Variants in DGKH observed in about 807,000 individuals in gnomAD.
The protein encoded by DGKH is DAG kinase eta.
Under a neutral mutation model 159.3 loss-of-function variants are expected in DGKH, and 90 were observed. That is an observed-to-expected ratio of 0.57 (90% confidence interval 0.48 to 0.67). The LOEUF (loss-of-function observed/expected upper bound fraction) is 0.67, where lower values mean the gene tolerates loss of function less well. Among genes scored for constraint, DGKH ranks in the 30% least tolerant of loss-of-function variants. The pLI is 0.00. For synonymous variants in DGKH, 536 were observed against 553.8 expected (o/e 0.97, Z 0.45); for missense variants, 1,181 against 1,506.1 (o/e 0.78, Z 3.57).
At chr13:42,105,198 G>A (rs1954724828) in intron 1 of DGKH, among the ~76,000 whole-genome samples, 1 of 152,128 alleles carries the variant, frequency 6.6e-6, no homozygotes, top group African/African-American at 2.4e-5. Context: ...CATCTTGTAA[G>A]GACCTTCTTG....
intron 1 of DGKH, among the ~76,000 whole-genome samples, chr13:42,122,564 T>A (rs1031216352): frequency 1.3e-5 from 2 of 152,196 alleles, no homozygotes; most frequent in Admixed American, 1.3e-4. Flanking sequence ...ATTAATCCAT[T>A]CATGCAGGCA....
intron 29 of DGKH, among the ~76,000 whole-genome samples, chr13:42,224,065 A>G (rs1454034948): frequency 1.3e-5 from 2 of 152,176 alleles, no homozygotes; most frequent in African/African-American, 4.8e-5. Flanking sequence ...GCTGCAAAAG[A>G]CATGTTTTCA....
At chr13:42,252,795 T>C (rs1425945035) in intron 30 of DGKH, among the ~76,000 whole-genome samples, 1 of 151,868 alleles carries the variant, frequency 6.6e-6, no homozygotes, top group African/African-American at 2.4e-5. Flanking sequence ...TCACCCAGGC[T>C]AGAGTGCAGT....
At chr13:42,150,430 C>A (rs1163718778) in intron 3 of DGKH, among the ~76,000 whole-genome samples, 1 of 152,150 alleles carries the variant, frequency 6.6e-6, no homozygotes, top group Admixed American at 6.5e-5. Context: ...GCGTGACTTA[C>A]CAAGTTTGCA....
At chr13:42,104,604 G>A (rs1357486858) in intron 1 of DGKH, among the ~76,000 whole-genome samples, 3 of 152,184 alleles carry the variant, frequency 2.0e-5, no homozygotes, top group African/African-American at 4.8e-5. Context: ...CTCATGTCCT[G>A]TTGGCCTAAA....
intron 8 of DGKH, among the ~76,000 whole-genome samples, chr13:42,166,151 A>C (rs1301513244): frequency 1.3e-5 from 2 of 152,096 alleles, no homozygotes; most frequent in Non-Finnish European, 2.9e-5. Flanking sequence ...CTTAGATATA[A>C]GTTTATAAAC....
intron 3 of DGKH, chr13:42,153,645 C>T (rs1955972232): frequency 6.6e-6 from 1 of 152,230 alleles, no homozygotes; most frequent in South Asian, 2.1e-4. Flanking sequence ...TACCTCTCTG[C>T]TGCATCTCAT....
chr13:42,152,798 G>A (rs1020969988), intron 3 of DGKH, among the ~76,000 whole-genome samples: 4 of 151,868 alleles, frequency 2.6e-5, no homozygotes, highest in Admixed American at 6.6e-5. Flanking sequence ...GGACTCCTCC[G>A]CGGGACCTGT....
intron 1 of DGKH, among the ~76,000 whole-genome samples, chr13:42,101,988 A>G (rs777649801): frequency 1.3e-5 from 2 of 152,182 alleles, no homozygotes; most frequent in Non-Finnish European, 2.9e-5. Flanking sequence ...AAACATTACC[A>G]AGAAAACAAT....
upstream of DGKH, chr13:42,044,177 T>G (rs1267099830): frequency 6.6e-6 from 1 of 152,256 alleles, no homozygotes; most frequent in African/African-American, 2.4e-5. Flanking sequence ...TCATTTTTGA[T>G]GGAACCTAAA....
At chr13:42,099,689 G>A (rs949170756) in intron 1 of DGKH, among the ~76,000 whole-genome samples, 4 of 152,166 alleles carry the variant, frequency 2.6e-5, no homozygotes, top group Non-Finnish European at 1.5e-5. Flanking sequence ...TTTTGCAACC[G>A]AATGCAACAG....
In DGKH at chr13:42,232,086, G is replaced by A. The variant is rs547966547; in HGVS notation, c.*2898G>A. The A allele has an allele frequency of 2.6e-5, 4 of 152,140 alleles. No individual in the cohort carries two copies. Among genetic ancestry groups the A allele is most frequent in the East Asian group, 1.9e-4 (1 of 5,174 alleles). The allele number at this position is 152,140 out of a possible 1,614,324, so 9.4% of individuals were successfully genotyped here. A position where few individuals can be genotyped will look rare whatever the true frequency, so the allele number is the denominator to read the frequency against. Reference sequence around the variant, plus strand: ...CATAAATAATTCCTCTTCTTATAGCGGATGGGGTTACCAAAAAAAATAAAA... The same window carrying A: ...CATAAATAATTCCTCTTCTTATAGCAGATGGGGTTACCAAAAAAAATAAAA... On this transcript the variant is annotated 3_prime_UTR_variant, in exon 30 of 30. Coordinates refer to ENST00000337343, the MANE Select transcript of DGKH (RefSeq NM_178009.5).
rs1958539836 is a variant in DGKH at position 42,242,869 on chromosome 13, T to C, written c.*13681T>C. 6.6e-6 allele frequency: 1 copy of C among 152,234 alleles called. No homozygotes were observed. Among genetic ancestry groups the C allele is most frequent in the Non-Finnish European group, 1.5e-5 (1 of 68,046 alleles). The allele number at this position is 152,234 out of a possible 1,614,324, so 9.4% of individuals were successfully genotyped here. A position where few individuals can be genotyped will look rare whatever the true frequency, so the allele number is the denominator to read the frequency against. ...GGGCACTGCCTTGAGATCATCCTTC[T>C]CAAATAAAAAGAATGCATTTGAAGA... On this transcript the variant is annotated 3_prime_UTR_variant, in exon 30 of 30. Transcript: ENST00000337343.
intron 29 of DGKH, among the ~76,000 whole-genome samples, chr13:42,250,623 A>AGT: frequency 6.6e-6 from 1 of 152,358 alleles, no homozygotes; most frequent in Non-Finnish European, 1.5e-5. Context: ...ATAACAAAAA[A>AGT]TCTGAAACAG....
At chr13:42,093,960 T>C (rs900743942) in intron 1 of DGKH, among the ~76,000 whole-genome samples, 7 of 152,106 alleles carry the variant, frequency 4.6e-5, no homozygotes, top group African/African-American at 1.7e-4. Context: ...TTAACAGCAC[T>C]GAACTGTACA....
Position 42,241,741 on chromosome 13 carries a change from C to T in DGKH, c.*12553C>T, listed in dbSNP as rs368778282. 9.2e-5 allele frequency: 14 copies of T among 152,192 alleles called. No homozygotes were observed. Among genetic ancestry groups the T allele is most frequent in the South Asian group, 2.1e-4 (1 of 4,818 alleles). 9.4% of individuals were successfully genotyped at this position (152,192 alleles called of 1,614,324 possible). A position where few individuals can be genotyped will look rare whatever the true frequency, so the allele number is the denominator to read the frequency against. On this transcript the variant is annotated 3_prime_UTR_variant, in exon 30 of 30. Coordinates refer to ENST00000337343, the MANE Select transcript of DGKH (RefSeq NM_178009.5). ...TTGATTATTTTGAATGAGGAGTAGG[C>T]GGTAATATTTAACAGGTAGCATACG...
At chr13:42,133,431 C>T (rs544667719) in intron 3 of DGKH, among the ~76,000 whole-genome samples, 4 of 152,260 alleles carry the variant, frequency 2.6e-5, no homozygotes, top group South Asian at 2.1e-4. Flanking sequence ...CAGTGGCTCA[C>T]GCCTATAATG....
At chr13:42,125,173 CTT>C (rs2137834961) in intron 1 of DGKH, among the ~76,000 whole-genome samples, 1 of 152,320 alleles carries the variant, frequency 6.6e-6, no homozygotes, top group South Asian at 2.1e-4. Flanking sequence ...TATTCTGACT[CTT>C]GTCTCCTATA....
chr13:42,165,983 T>G (rs75017859), intron 8 of DGKH, among the ~76,000 whole-genome samples: 1,665 of 152,234 alleles, frequency 0.011, 21 homozygotes, highest in Admixed American at 0.021. Context: ...CTATGCTGTT[T>G]TATGTAACAG....
Sources: allele counts gnomAD v4.1 joint callset (sites outside exome capture counted in the v4.1 genomes callset), GRCh38; gene constraint gnomAD v4.1.1; transcripts MANE v1.5; gene names NCBI Gene and HGNC (gene_info 2026-07-23, HGNC 2026-07-21).